GPC6: variants seen among roughly 807,000 people sequenced by gnomAD.
GPC6 encodes the protein glypican 6, also known as glypican-6.
GPC6 carries 14 observed loss-of-function variants against 55.2 expected under a neutral mutation model. That is an observed-to-expected ratio of 0.25 (90% CI 0.17 to 0.40). The LOEUF (loss-of-function observed/expected upper bound fraction) is 0.40. Among genes scored for constraint, GPC6 ranks in the 10% least tolerant of loss-of-function variants. The pLI, the probability that GPC6 is intolerant of heterozygous loss-of-function variation, is 1.00. For synonymous variants in GPC6, 278 were observed against 259.6 expected (o/e 1.07, Z -0.68); for missense variants, 641 against 708.5 (o/e 0.90, Z 1.08).
At chr13:93,510,975 A>ATATATATGTG (rs1880940773) in intron 1 of GPC6, among the ~76,000 whole-genome samples, 1 of 6,988 alleles carries the variant, frequency 1.4e-4, no homozygotes, top group Non-Finnish European at 9.2e-4. Context: ...ATATATGTGT[A>ATATATATGTG]TATATATATG....
chr13:94,087,252 G>A (rs1470019839), intron 4 of GPC6, among the ~76,000 whole-genome samples: 1 of 152,190 alleles, frequency 6.6e-6, no homozygotes, highest in Non-Finnish European at 1.5e-5. Flanking sequence ...GAATCAGAGG[G>A]CGGAGACCTG....
chr13:94,153,893 T>C (rs1441702438), intron 4 of GPC6, among the ~76,000 whole-genome samples: 4 of 152,142 alleles, frequency 2.6e-5, no homozygotes, highest in Non-Finnish European at 2.9e-5. Flanking sequence ...CATCTCTGAG[T>C]TGGATACAAC....
chr13:94,335,766 T>C (rs1877660548), intron 6 of GPC6, among the ~76,000 whole-genome samples: 1 of 152,190 alleles, frequency 6.6e-6, no homozygotes. Context: ...GAATCAACTA[T>C]CTTATAGAGA....
chr13:94,239,184 C>G (rs772631454), intron 4 of GPC6, among the ~76,000 whole-genome samples: 1 of 151,914 alleles, frequency 6.6e-6, no homozygotes, highest in Non-Finnish European at 1.5e-5. Context: ...ATTTAGGGGG[C>G]CCTTCTCGGT....
At chr13:93,970,156 G>A (rs909156056) in intron 3 of GPC6, among the ~76,000 whole-genome samples, 4 of 152,140 alleles carry the variant, frequency 2.6e-5, no homozygotes, top group South Asian at 2.1e-4. Flanking sequence ...TCCATAGAGT[G>A]TGTGCCTAAA....
At chr13:93,516,170 C>T (rs1303968840) in intron 1 of GPC6, among the ~76,000 whole-genome samples, 4 of 152,102 alleles carry the variant, frequency 2.6e-5, no homozygotes, top group Non-Finnish European at 5.9e-5. Flanking sequence ...GCTAGCCCAT[C>T]AGTAAAAAGA....
chr13:93,289,323 A>G (rs1372636664), intron 1 of GPC6, among the ~76,000 whole-genome samples: 1 of 152,176 alleles, frequency 6.6e-6, no homozygotes, highest in African/African-American at 2.4e-5. Context: ...AAATGCAAAT[A>G]GTAGTATGTG....
At chr13:93,625,107 A>C (rs1879147688) in intron 2 of GPC6, among the ~76,000 whole-genome samples, 1 of 152,218 alleles carries the variant, frequency 6.6e-6, no homozygotes, top group Admixed American at 6.5e-5. Context: ...AAATTGTAGA[A>C]TGACTATAAA....
intron 6 of GPC6, among the ~76,000 whole-genome samples, chr13:94,320,286 A>T (rs956691406): frequency 6.6e-6 from 1 of 152,136 alleles, no homozygotes; most frequent in African/African-American, 2.4e-5. Context: ...TCACATTTCT[A>T]AATTCTACCT....
At chr13:93,415,407 G>A (rs1876659979) in intron 1 of GPC6, among the ~76,000 whole-genome samples, 1 of 151,922 alleles carries the variant, frequency 6.6e-6, no homozygotes, top group Non-Finnish European at 1.5e-5. Flanking sequence ...ACTAATGATT[G>A]CATAGCATTC....
intron 1 of GPC6, among the ~76,000 whole-genome samples, chr13:93,237,024 A>C (rs1269290323): frequency 6.6e-6 from 1 of 152,198 alleles, no homozygotes; most frequent in African/African-American, 2.4e-5. Flanking sequence ...TGTTGTGATA[A>C]ATATATGAGT....
At chr13:93,912,122 G>T (rs1450828773) in intron 3 of GPC6, among the ~76,000 whole-genome samples, 3 of 152,128 alleles carry the variant, frequency 2.0e-5, no homozygotes, top group Admixed American at 6.6e-5. Flanking sequence ...CCATTCTTAG[G>T]CTTGCATTAA....
At chr13:94,305,074 G>C (rs572974832) in intron 5 of GPC6, among the ~76,000 whole-genome samples, 1 of 152,344 alleles carries the variant, frequency 6.6e-6, no homozygotes, top group African/African-American at 2.4e-5. Context: ...GTATGTAAAA[G>C]TGAGATACAA....
At chr13:94,147,200 A>G (rs1317583970) in intron 4 of GPC6, among the ~76,000 whole-genome samples, 2 of 152,088 alleles carry the variant, frequency 1.3e-5, no homozygotes, top group Non-Finnish European at 2.9e-5. Context: ...TTAGCCTCTT[A>G]AGTCCTTCAT....
intron 1 of GPC6, among the ~76,000 whole-genome samples, chr13:93,473,473 A>T (rs2084055): frequency 0.19 from 29,333 of 152,146 alleles, 3,238 homozygotes; most frequent in South Asian, 0.29. Flanking sequence ...AAGTGAGAGC[A>T]GTCACCACCA....
intron 4 of GPC6, among the ~76,000 whole-genome samples, chr13:94,057,907 A>G (rs1449070112): frequency 1.3e-5 from 2 of 152,190 alleles, no homozygotes; most frequent in Admixed American, 6.5e-5. Flanking sequence ...CTCACTATAG[A>G]TTCATCTTAA....
chr13:94,161,884 G>A (rs987968739), intron 4 of GPC6, among the ~76,000 whole-genome samples: 2 of 152,136 alleles, frequency 1.3e-5, no homozygotes, highest in African/African-American at 4.8e-5. Context: ...CAATCATGAT[G>A]AAGGCAAGGA....
intron 1 of GPC6, among the ~76,000 whole-genome samples, chr13:93,357,346 C>T (rs1880884471): frequency 6.6e-6 from 1 of 152,008 alleles, no homozygotes; most frequent in Non-Finnish European, 1.5e-5. Flanking sequence ...TATTTTTCCC[C>T]TTTTCATTTA....
chr13:93,871,736 T>C (rs1484852826), intron 3 of GPC6, among the ~76,000 whole-genome samples: 1 of 151,984 alleles, frequency 6.6e-6, no homozygotes, highest in African/African-American at 2.4e-5. Flanking sequence ...GTTTTACTTA[T>C]TGTAAGTCAC....
Sources: gnomAD v4.1 joint callset for allele counts (sites outside exome capture counted in the v4.1 genomes callset) on GRCh38, gnomAD v4.1.1 for gene constraint, MANE v1.5 for transcripts, NCBI Gene and HGNC (gene_info 2026-07-23, HGNC 2026-07-21) for gene names.